Variants in SH3RF3 observed in about 807,000 individuals in gnomAD.
SH3RF3 encodes SH3 domain containing ring finger 3.
In SH3RF3, 29 loss-of-function variants were observed where a neutral mutation model predicts 66.3. That is an observed-to-expected ratio of 0.44 (90% CI 0.33 to 0.60). The LOEUF (loss-of-function observed/expected upper bound fraction) is 0.60, where lower values mean the gene tolerates loss of function less well. Among genes scored for constraint, SH3RF3 ranks in the 20% least tolerant of loss-of-function variants. The probability of loss-of-function intolerance (pLI) is 0.04; values close to 1 mark genes in which losing one functional copy is unlikely to be tolerated. For synonymous variants in SH3RF3, 583 were observed against 532.0 expected, an observed-to-expected ratio of 1.10 and a Z score of -1.32; for missense variants, 1,194 against 1,190.9, an observed-to-expected ratio of 1.00 and a Z score of -0.04.
chr2:109,268,413 T>C (rs1283801651), intron 1 of SH3RF3, among the ~76,000 whole-genome samples: 1 of 151,904 alleles, frequency 6.6e-6, no homozygotes, highest in Non-Finnish European at 1.5e-5. Flanking sequence ...AGAGCTGGGG[T>C]GCTCTGTCCT....
At chr2:109,479,559 G>A (rs930496459) in intron 8 of SH3RF3, among the ~76,000 whole-genome samples, 5 of 152,104 alleles carry the variant, frequency 3.3e-5, no homozygotes, top group African/African-American at 1.2e-4. Flanking sequence ...CCGGCCTCAT[G>A]GGCAGAGGAA....
intron 9 of SH3RF3, among the ~76,000 whole-genome samples, chr2:109,494,516 G>C (rs143708063): frequency 0.014 from 2,156 of 152,286 alleles, 49 homozygotes; most frequent in African/African-American, 0.049. Flanking sequence ...GAGAGCACTT[G>C]GACTTGGGCC....
At chr2:109,348,440 GCCAC>G (rs1284894806) in intron 2 of SH3RF3, among the ~76,000 whole-genome samples, 1 of 152,218 alleles carries the variant, frequency 6.6e-6, no homozygotes, top group Non-Finnish European at 1.5e-5. Context: ...CTGAGGCAGG[GCCAC>G]CCTGGTGCGT....
intron 1 of SH3RF3, among the ~76,000 whole-genome samples, chr2:109,253,402 A>G: frequency 6.6e-6 from 1 of 152,180 alleles, no homozygotes; most frequent in East Asian, 1.9e-4. Flanking sequence ...GCCCCAGGAT[A>G]GGCTGTGTCC....
At chr2:109,281,652 G>A (rs1318680925) in intron 1 of SH3RF3, among the ~76,000 whole-genome samples, 4 of 152,182 alleles carry the variant, frequency 2.6e-5, no homozygotes, top group African/African-American at 7.2e-5. Flanking sequence ...AGTGTTTAGA[G>A]TGAGCAGCTG....
At chr2:109,465,459 G>A (rs184148482) in intron 8 of SH3RF3, among the ~76,000 whole-genome samples, 10 of 152,316 alleles carry the variant, frequency 6.6e-5, no homozygotes, top group African/African-American at 2.2e-4. Context: ...ATGAATGAGA[G>A]TTCTCATTGC....
chr2:109,198,975 T>G (rs1303450162), intron 1 of SH3RF3, among the ~76,000 whole-genome samples: 1 of 152,224 alleles, frequency 6.6e-6, no homozygotes, highest in Admixed American at 6.5e-5. Context: ...GCAGTCATCA[T>G]GGACTGCAGG....
chr2:109,259,997 C>T (rs12469479), intron 1 of SH3RF3, among the ~76,000 whole-genome samples: 38,493 of 151,978 alleles, frequency 0.25, 5,294 homozygotes, highest in East Asian at 0.46. Context: ...TTTTCTTCTC[C>T]GGCCAGAGAT....
chr2:109,390,895 C>T (rs184254551), intron 3 of SH3RF3, among the ~76,000 whole-genome samples: 27 of 152,274 alleles, frequency 1.8e-4, no homozygotes, highest in South Asian at 6.2e-4. Flanking sequence ...TAGAGGGTCC[C>T]GGCATGAATG....
At chr2:109,406,057 G>T (rs1179935750) in intron 4 of SH3RF3, among the ~76,000 whole-genome samples, 4 of 152,244 alleles carry the variant, frequency 2.6e-5, no homozygotes, top group African/African-American at 9.6e-5. Flanking sequence ...GGCTGAAGGT[G>T]TCCAGGGCGT....
chr2:109,466,119 G>T (rs1352755033), intron 8 of SH3RF3, among the ~76,000 whole-genome samples: 2 of 118,620 alleles, frequency 1.7e-5, no homozygotes, highest in Non-Finnish European at 3.2e-5. Flanking sequence ...TCGCTCCGTC[G>T]CCCAGGCTGG....
At chr2:109,196,926 A>G (rs1019820468) in intron 1 of SH3RF3, among the ~76,000 whole-genome samples, 5 of 152,194 alleles carry the variant, frequency 3.3e-5, no homozygotes, top group Admixed American at 6.5e-5. Flanking sequence ...CTTGCTGAGT[A>G]GTGCGAAGGC....
At chr2:109,173,689 A>G (rs1462909283) in intron 1 of SH3RF3, among the ~76,000 whole-genome samples, 3 of 152,148 alleles carry the variant, frequency 2.0e-5, no homozygotes, top group Admixed American at 2.0e-4. Context: ...CGGCAAAGAC[A>G]GTGAATGTAA....
intron 1 of SH3RF3, among the ~76,000 whole-genome samples, chr2:109,316,456 A>T (rs17035432): frequency 6.6e-6 from 1 of 151,976 alleles, no homozygotes; most frequent in Non-Finnish European, 1.5e-5. Flanking sequence ...TGTGATCTTC[A>T]CTACACACAG....
chr2:109,159,851 G>A (rs1369412279), intron 1 of SH3RF3, among the ~76,000 whole-genome samples: 2 of 152,150 alleles, frequency 1.3e-5, no homozygotes, highest in African/African-American at 4.8e-5. Flanking sequence ...ACTGTCTTCC[G>A]TCACCCTCAG....
chr2:109,139,867 C>T (rs925626243), intron 1 of SH3RF3, among the ~76,000 whole-genome samples: 4 of 152,166 alleles, frequency 2.6e-5, no homozygotes, highest in East Asian at 3.9e-4. Flanking sequence ...CATCTGGAGT[C>T]GTGTGGACAG....
intron 1 of SH3RF3, among the ~76,000 whole-genome samples, chr2:109,242,773 C>T (rs1454244113): frequency 6.6e-6 from 1 of 152,188 alleles, no homozygotes; most frequent in Non-Finnish European, 1.5e-5. Context: ...GTGACGTCCT[C>T]AGGCTGGGGT....
At chr2:109,286,175 C>A (rs570841292) in intron 1 of SH3RF3, among the ~76,000 whole-genome samples, 123 of 152,320 alleles carry the variant, frequency 8.1e-4, no homozygotes, top group African/African-American at 2.9e-3. Context: ...TCAAGGATTT[C>A]ATTTCACTTT....
At chr2:109,449,060 G>C in intron 7 of SH3RF3, 110 bp from the exon 8 acceptor site, 6 of 1,301,396 alleles carry the variant, frequency 4.6e-6, no homozygotes, top group Non-Finnish European at 6.3e-6. Flanking sequence ...TTCAGAGAGA[G>C]GCTGTGAGTG....
Sources: gnomAD v4.1 joint callset for allele counts (sites outside exome capture counted in the v4.1 genomes callset) on GRCh38, gnomAD v4.1.1 for gene constraint, MANE v1.5 for transcripts, NCBI Gene and HGNC (gene_info 2026-07-23, HGNC 2026-07-21) for gene names.